The following TTC16 variants were observed in gnomAD, a reference collection of about 807,000 sequenced individuals.
TTC16 encodes tetratricopeptide repeat domain 16.
Under a neutral mutation model 80.4 loss-of-function variants are expected in TTC16, and 66 were observed. The observed-to-expected ratio is 0.82, with a 90% CI of 0.67 to 1.01. The LOEUF is 1.01. Among genes scored for constraint, TTC16 ranks in the 50% least tolerant of loss-of-function variants. TTC16 has a pLI of 0.00. For missense variants in TTC16, 1,070 were observed against 1,103.2 expected, an observed-to-expected ratio of 0.97 and a Z score of 0.43; for synonymous variants, 438 against 451.3, an observed-to-expected ratio of 0.97 and a Z score of 0.37.
rs180700871 is a variant in TTC16, at chr9:127,718,242, C to T, written c.426+470C>T. On this transcript the variant is annotated intron_variant, in intron 4 of 13. Coordinates refer to ENST00000373289, the MANE Select transcript of TTC16 (RefSeq NM_144965.3). This position sits in a 1 kb window ranked among gnomAD's most constrained non-coding sequence, Gnocchi z 4.6. ...AGCTGGGACTACAGGCACACGCCAC[C>T]ACGCCTGGCTAATTTTTTGTATTTT... Among the ~76,000 whole-genome samples the T allele has an allele frequency of 6.6e-6, 1 of 152,178 alleles. No homozygotes were observed. Among genetic ancestry groups the T allele is most frequent in the Admixed American group, 6.5e-5 (1 of 15,286 alleles).
intron 12 of TTC16, chr9:127,728,358 C>T (rs1416152312): frequency 6.6e-6 from 1 of 152,232 alleles, no homozygotes; most frequent in African/African-American, 2.4e-5. Flanking sequence ...CCTGCTCCCT[C>T]TCGCTGGTGC....
intron 1 of TTC16, 78 bp downstream of exon 1, chr9:127,716,241 G>C: frequency 6.2e-7 from 1 of 1,603,770 alleles, no homozygotes; most frequent in Non-Finnish European, 8.5e-7. Flanking sequence ...AGGAAAGGGT[G>C]AAGGCCGGGA....
chr9:127,716,580 G>A lies in TTC16; in HGVS notation c.19-264G>A, dbSNP rs60102747. On this transcript the variant is annotated intron_variant, in intron 1 of 13. Transcript: ENST00000373289. ...AAGTGGGAGCTGGGAAGGCCCTGGGGGAGAACAGACGGTGTTGTAAGCATG... is the reference window on the plus strand; with the variant it reads ...AAGTGGGAGCTGGGAAGGCCCTGGGAGAGAACAGACGGTGTTGTAAGCATG... 118 of 562,978 alleles carry A rather than the reference G, an allele frequency of 2.1e-4. No individual in the cohort carries two copies. The East Asian group carries it at 3.5e-3, about 16-fold the overall frequency. The allele number at this position is 562,978 out of a possible 1,614,324, so 34.9% of individuals were successfully genotyped here. A position where few individuals can be genotyped will look rare whatever the true frequency, so the allele number is the denominator to read the frequency against.
Position 127,730,859 on chromosome 9 carries a change from G to A in TTC16, c.2076G>A (p.Arg692=). Residue 692 remains arginine, a synonymous_variant, in exon 14 of 14, where the codon AGG becomes AGA. Transcript: ENST00000373289. The part of the protein sequence containing the change: ...LSKTEPTQSQ[R]RNSSKTKATI... ...AGACTGAGCCCACCCAGAGCCAGAG[G>A]CGGAACTCCAGCAAGACCAAGGCCA... 1 of 1,613,380 alleles carries A rather than the reference G, an allele frequency of 6.2e-7. No homozygotes were observed. The highest frequency in any genetic ancestry group is 1.1e-5 in the South Asian group (1 of 91,060).
rs1415108366 is a variant in TTC16 at position 127,729,529 on chromosome 9, AGCTGCACGG to A, written c.1765-49_1765-41del. The stretch of plus-strand genomic sequence containing the variant: ...AGGGCTGCTGGCCTTCTAGAGGTGC[AGCTGCACGG>A]GCCTCCTACCATCTGAACTACAAAG... On this transcript the variant is annotated intron_variant, in intron 12 of 13. Coordinates refer to ENST00000373289, the MANE Select transcript of TTC16 (RefSeq NM_144965.3). 5 of 1,495,070 alleles carry A rather than the reference AGCTGCACGG, an allele frequency of 3.3e-6. No homozygotes were observed. In the Admixed American group the frequency reaches 6.7e-5, roughly 20 times the overall value. 92.6% of individuals were successfully genotyped at this position (1,495,070 alleles called of 1,614,324 possible).
intron 8 of TTC16, 69 bp downstream of exon 8, chr9:127,724,433 G>C: frequency 6.3e-7 from 1 of 1,575,230 alleles, no homozygotes; most frequent in Non-Finnish European, 8.6e-7. Flanking sequence ...GGCCCCCACT[G>C]GGCACTTGAG....
rs749701698 is a variant in TTC16 at position 127,717,400 on chromosome 9, C to T, written c.258C>T (p.Arg86=). The change falls in exon 3 of 14, where the codon CGC becomes CGT. Residue 86 remains arginine (R), a synonymous_variant. Transcript: ENST00000373289. ...DWETAVLLFS[R]ALHLDPQLVD... is the part of the protein sequence containing the mutation. The stretch of plus-strand genomic sequence containing the variant: ...AGACAGCTGTGCTGCTCTTCTCCCG[C>T]GCACTCCACCTGGACCCACAGCTGG... 7 of 1,613,402 alleles carry T rather than the reference C, an allele frequency of 4.3e-6. No homozygotes were observed. The highest frequency in any genetic ancestry group is 1.7e-4 in the Middle Eastern group (1 of 6,060).
chr9:127,731,545 A>T lies in TTC16; in HGVS notation c.*140A>T. The T allele has an allele frequency of 7.0e-7, 1 of 1,434,578 alleles. No individual in the cohort carries two copies. Among genetic ancestry groups the T allele is most frequent in the East Asian group, 2.5e-5 (1 of 40,384 alleles). 88.9% of individuals were successfully genotyped at this position (1,434,578 alleles called of 1,614,324 possible). On this transcript the variant is annotated 3_prime_UTR_variant, in exon 14 of 14. Transcript: ENST00000373289. Reference sequence around the variant, plus strand: ...GTCCTCTGGTCCCACAGCTGAGTTTATTATACTTGTTTTCTTTTACAAAAT... The same window carrying T: ...GTCCTCTGGTCCCACAGCTGAGTTTTTTATACTTGTTTTCTTTTACAAAAT...
rs373820397 is a variant in TTC16, at chr9:127,722,967, CA to C, written c.658-137del. 0.25 allele frequency: 136,501 copies of C among 546,842 alleles called. 71 individuals carry two copies. Among genetic ancestry groups the C allele is most frequent in the South Asian group, 0.31 (13,188 of 42,140 alleles). The allele number at this position is 546,842 out of a possible 1,614,324, so 33.9% of individuals were successfully genotyped here. On this transcript the variant is annotated intron_variant, in intron 6 of 13. Coordinates refer to ENST00000373289, the MANE Select transcript of TTC16 (RefSeq NM_144965.3). This position sits in a 1 kb window ranked among gnomAD's most constrained non-coding sequence, Gnocchi z 4.2. ...TGGGTGACAGAGTGAGAATCCATCTCAAAAAAAAAAAAAAAGCAGAAAGGGT... is the reference window on the plus strand; with the variant it reads ...TGGGTGACAGAGTGAGAATCCATCTCAAAAAAAAAAAAAAGCAGAAAGGGT...
chr9:127,717,397 C>A lies in TTC16; in HGVS notation c.255C>A (p.Ser85=). ...GGGAGACAGCTGTGCTGCTCTTCTC[C>A]CGCGCACTCCACCTGGACCCACAGC... ...ADWETAVLLF[S]RALHLDPQLV... Residue 85 remains serine (S), a synonymous_variant, in exon 3 of 14, where the codon TCC becomes TCA. Transcript: ENST00000373289. 6.2e-7 allele frequency: 1 copy of A among 1,613,418 alleles called. No individual in the cohort carries two copies. Among genetic ancestry groups the A allele is most frequent in the Non-Finnish European group, 8.5e-7 (1 of 1,180,002 alleles).
chr9:127,723,074 G>A, intron 6 of TTC16, 45 bp from the exon 7 acceptor site: 2 of 1,592,164 alleles, frequency 1.3e-6, no homozygotes, highest in Non-Finnish European at 1.7e-6. Flanking sequence ...AGGTCCCGTG[G>A]CTCAGTTGGT....
chr9:127,717,341 A>G lies in TTC16; in HGVS notation c.199A>G (p.Arg67Gly). Residue 67 changes from arginine (R) to glycine (G), a missense_variant, in exon 3 of 14, where the codon AGA becomes GGA. By Grantham distance (125) the Arg-to-Gly change is moderately radical. Coordinates refer to ENST00000373289, the MANE Select transcript of TTC16 (RefSeq NM_144965.3). ...VPLKVREYYS[R>G]GQQCLEQADW... ...TCCCCACTTTCCCCACAGCTACTCC[A>G]GAGGCCAGCAGTGCTTGGAGCAGGC... is the stretch of plus-strand genomic sequence containing the variant. The G allele has an allele frequency of 6.2e-7, 1 of 1,610,828 alleles. No individual in the cohort carries two copies.
chr9:127,721,914 G>A (rs531384776), intron 6 of TTC16, among the ~76,000 whole-genome samples: 126 of 152,072 alleles, frequency 8.3e-4, no homozygotes, highest in Non-Finnish European at 1.2e-3. Context: ...CCCCTGCCTC[G>A]GCCTCTCCAA....
chr9:127,717,150 T>A, intron 2 of TTC16, 134 bp downstream of exon 2: 1 of 1,321,488 alleles, frequency 7.6e-7, no homozygotes, highest in Non-Finnish European at 1.1e-6. Context: ...TCCACCTCAG[T>A]GGGAACGAGG....
In TTC16 at chr9:127,724,902, G is replaced by A. The variant is rs1007164623; in HGVS notation, c.1259+5G>A. On this transcript the variant is annotated splice_donor_5th_base_variant and intron_variant, in intron 9 of 13. Transcript: ENST00000373289. ...CTTCTGCGAGCAGAGGCGCAAGTGC[G>A]TGGGCTCCCGCCCCCACGGTGGGCG... is the stretch of plus-strand genomic sequence containing the variant. The A allele has an allele frequency of 7.3e-6, 11 of 1,513,034 alleles. No individual in the cohort carries two copies. In the East Asian group the frequency reaches 9.7e-5, roughly 13 times the overall value. The allele number at this position is 1,513,034 out of a possible 1,614,324, so 93.7% of individuals were successfully genotyped here.
intron 13 of TTC16, chr9:127,730,331 G>T: frequency 2.3e-6 from 1 of 436,342 alleles, no homozygotes; most frequent in East Asian, 4.0e-5. Flanking sequence ...GGTGCCAGGC[G>T]GGGGGACGCA....
chr9:127,716,447 G>A (rs1843017253), intron 1 of TTC16: 2 of 575,380 alleles, frequency 3.5e-6, no homozygotes, highest in Non-Finnish European at 6.2e-6. Flanking sequence ...GTGGCCTGCT[G>A]GAGTGAGGGT....
At position 127,720,261 on chromosome 9, in the gene TTC16, C is replaced by T. The variant is rs1843343346; in HGVS notation, c.528-5C>T. The T allele has an allele frequency of 9.9e-6, 16 of 1,613,316 alleles. No homozygotes were observed. The highest frequency in any genetic ancestry group is 1.3e-5 in the Non-Finnish European group (15 of 1,179,962). ...AAACGAGCACTCTGTGCCCTCTGCC[C>T]TCAGCATGGCCTGTCTCCTGGCCCT... On this transcript the variant is annotated splice_polypyrimidine_tract_variant and splice_region_variant and intron_variant, in intron 5 of 13. Transcript: ENST00000373289.
chr9:127,725,550 T>A, intron 9 of TTC16, among the ~76,000 whole-genome samples: 1 of 92,920 alleles, frequency 1.1e-5, no homozygotes, highest in South Asian at 4.7e-4. Flanking sequence ...GGTGACAGAG[T>A]GAGACTCCGT....
Sources: allele counts gnomAD v4.1 joint callset (sites outside exome capture counted in the v4.1 genomes callset), GRCh38; gene constraint gnomAD v4.1.1; non-coding constraint Gnocchi (gnomAD v3.1); transcripts MANE v1.5; gene names NCBI Gene and HGNC (gene_info 2026-07-23, HGNC 2026-07-21).